ABTB2: variants seen among roughly 807,000 people sequenced by gnomAD.
ABTB2 encodes the protein ankyrin repeat and BTB domain containing 2.
In ABTB2, 56 loss-of-function variants were observed where a neutral mutation model predicts 104.1. The observed-to-expected ratio is 0.54, with a 90% CI of 0.43 to 0.67. The LOEUF (loss-of-function observed/expected upper bound fraction) is 0.67. ABTB2 is among the 30% of genes least tolerant of loss of function. ABTB2 has a pLI of 0.00. For missense variants in ABTB2, 1,279 were observed against 1,407.7 expected, an observed-to-expected ratio of 0.91 and a Z score of 1.46; for synonymous variants, 606 against 608.2, an observed-to-expected ratio of 1.00 and a Z score of 0.05.
At chr11:34,314,544 T>G (rs1051661732) in intron 1 of ABTB2, among the ~76,000 whole-genome samples, 9 of 152,210 alleles carry the variant, frequency 5.9e-5, no homozygotes, top group African/African-American at 1.7e-4. Flanking sequence ...AGGGGCATGA[T>G]CTTTTCTTCT....
intron 3 of ABTB2, among the ~76,000 whole-genome samples, chr11:34,175,657 C>A (rs1852951200): frequency 6.6e-6 from 1 of 152,152 alleles, no homozygotes; most frequent in African/African-American, 2.4e-5. Context: ...CTGTCATTTC[C>A]AATATTCCTG....
intron 1 of ABTB2, among the ~76,000 whole-genome samples, chr11:34,274,934 G>T (rs1453077527): frequency 1.3e-5 from 2 of 152,128 alleles, no homozygotes; most frequent in Non-Finnish European, 2.9e-5. Flanking sequence ...TGACGTCAGT[G>T]GAGAGAACCG....
intron 1 of ABTB2, among the ~76,000 whole-genome samples, chr11:34,254,162 A>G (rs2133070550): frequency 6.6e-6 from 1 of 152,314 alleles, no homozygotes; most frequent in African/African-American, 2.4e-5. Flanking sequence ...GGAAGGTATT[A>G]TTACCCCCAT....
intron 1 of ABTB2, among the ~76,000 whole-genome samples, chr11:34,304,247 G>A (rs77634157): frequency 0.019 from 2,903 of 152,270 alleles, 30 homozygotes; most frequent in Non-Finnish European, 0.025. Flanking sequence ...ATGCTCTGTG[G>A]ATAAAAGATT....
intron 11 of ABTB2, 66 bp downstream of exon 11, chr11:34,160,837 C>T: frequency 2.7e-6 from 4 of 1,506,268 alleles, no homozygotes; most frequent in Non-Finnish European, 3.6e-6. Flanking sequence ...CCTGTGTGTC[C>T]ATCTGTGTGT....
chr11:34,310,422 G>GCTGCTT (rs1854836901), intron 1 of ABTB2, among the ~76,000 whole-genome samples: 1 of 151,992 alleles, frequency 6.6e-6, no homozygotes, highest in Non-Finnish European at 1.5e-5. Flanking sequence ...ATCTGTCACT[G>GCTGCTT]CTGCTTCTCT....
At chr11:34,244,606 T>C (rs1853961713) in intron 1 of ABTB2, among the ~76,000 whole-genome samples, 1 of 152,124 alleles carries the variant, frequency 6.6e-6, no homozygotes, top group African/African-American at 2.4e-5. Flanking sequence ...GGGCTTAGAG[T>C]TGTTGGCCTG....
At position 34,152,473 on chromosome 11, in the gene ABTB2, T is replaced by C. The variant is rs764266917; in HGVS notation, c.2992A>G (p.Lys998Glu). The change falls in exon 17 of 17, where the codon AAA becomes GAA. Residue 998 changes from lysine (K) to glutamate (E), a missense_variant. Transcript: ENST00000435224. ...TGCAGTGGATCCAGGCCCTGCACTT[T>C]GCTGCTGCGGCCGTAGATGAGCTGC... Reference protein sequence around the residue: ...FRQLIYGRSSKVQGLDPLQDL... With the variant: ...FRQLIYGRSSEVQGLDPLQDL... The C allele has an allele frequency of 1.2e-6, 2 of 1,605,250 alleles. No individual in the cohort carries two copies. Among genetic ancestry groups the C allele is most frequent in the East Asian group, 2.2e-5 (1 of 44,668 alleles).
At chr11:34,172,464 A>AGATAGAT (rs1852896661) in intron 4 of ABTB2, among the ~76,000 whole-genome samples, 1 of 149,280 alleles carries the variant, frequency 6.7e-6, no homozygotes, top group Admixed American at 6.7e-5. Flanking sequence ...ATAGATAGAT[A>AGATAGAT]GATAGATAGA....
Position 34,204,538 on chromosome 11 carries a change from A to G in ABTB2, c.1030+6T>C. 1.2e-6 allele frequency: 2 copies of G among 1,602,566 alleles called. No homozygotes were observed. Among genetic ancestry groups the G allele is most frequent in the Non-Finnish European group, 1.7e-6 (2 of 1,175,610 alleles). The stretch of plus-strand genomic sequence containing the variant: ...CCATCCAGCTAGACACTGAGGCCAC[A>G]CTTACTCAGCTCCGAGATGCTGCCC... On this transcript the variant is annotated splice_donor_region_variant and intron_variant, in intron 2 of 16. Transcript: ENST00000435224.
chr11:34,289,105 G>A lies in ABTB2; in HGVS notation c.883+67596C>T, dbSNP rs530798400. Among the ~76,000 whole-genome samples the A allele has an allele frequency of 3.2e-4, 48 of 152,324 alleles. No individual in the cohort carries two copies. The South Asian group carries it at 9.9e-3, about 32-fold the overall frequency. On this transcript the variant is annotated intron_variant, in intron 1 of 16. Transcript: ENST00000435224. ...TCTATGAACAGTTAAGTTCTGACAG[G>A]GGTGGCAAGAGCTAATCTAACAGAA...
At chr11:34,164,470 CCCAGGTCTG>C (rs1345609354) in intron 9 of ABTB2, among the ~76,000 whole-genome samples, 1 of 152,232 alleles carries the variant, frequency 6.6e-6, no homozygotes, top group African/African-American at 2.4e-5. Flanking sequence ...AGGCTCCAGT[CCCAGGTCTG>C]CCAGGAATCA....
chr11:34,273,853 T>G (rs560917524), intron 1 of ABTB2, among the ~76,000 whole-genome samples: 9 of 152,182 alleles, frequency 5.9e-5, no homozygotes, highest in African/African-American at 1.9e-4. Context: ...AGACCCTGCC[T>G]CAAAAATAAT....
chr11:34,346,981 C>T (rs1168181181), intron 1 of ABTB2, among the ~76,000 whole-genome samples: 1 of 152,216 alleles, frequency 6.6e-6, no homozygotes, highest in Non-Finnish European at 1.5e-5. Context: ...TTGGCCTCAA[C>T]TGTAGGGAGG....
intron 1 of ABTB2, among the ~76,000 whole-genome samples, chr11:34,231,838 C>A (rs142773859): frequency 6.6e-6 from 1 of 151,990 alleles, no homozygotes; most frequent in African/African-American, 2.4e-5. Flanking sequence ...TGGACTTCCC[C>A]GCAAAAAACC....
intron 9 of ABTB2, among the ~76,000 whole-genome samples, chr11:34,163,610 G>A (rs1852753639): frequency 2.0e-5 from 3 of 152,160 alleles, no homozygotes; most frequent in Admixed American, 2.0e-4. Context: ...GGTTCCTGGG[G>A]GCTGACCTGC....
chr11:34,330,667 C>T (rs1352386004), intron 1 of ABTB2, among the ~76,000 whole-genome samples: 1 of 152,184 alleles, frequency 6.6e-6, no homozygotes, highest in Non-Finnish European at 1.5e-5. Flanking sequence ...AAATTATACC[C>T]AATCCAGCAG....
At chr11:34,176,457 G>A (rs1431940921) in intron 3 of ABTB2, among the ~76,000 whole-genome samples, 1 of 152,020 alleles carries the variant, frequency 6.6e-6, no homozygotes, top group Non-Finnish European at 1.5e-5. Context: ...GACCAGCCTG[G>A]GGCCTGACAT....
At chr11:34,213,082 T>A (rs530902301) in intron 1 of ABTB2, among the ~76,000 whole-genome samples, 1 of 151,960 alleles carries the variant, frequency 6.6e-6, no homozygotes, top group Admixed American at 6.6e-5. Flanking sequence ...GCTTGTGGAG[T>A]TGGTGTGGGG....
Sources: allele counts gnomAD v4.1 joint callset (sites outside exome capture counted in the v4.1 genomes callset), GRCh38; gene constraint gnomAD v4.1.1; transcripts MANE v1.5; gene names NCBI Gene and HGNC (gene_info 2026-07-23, HGNC 2026-07-21).